The following LIMCH1 variants were observed in gnomAD, a reference collection of about 807,000 sequenced individuals.
The protein encoded by LIMCH1 is LIM and calponin homology domains-containing protein 1.
LIMCH1 carries 113 observed loss-of-function variants against 176.5 expected under a neutral mutation model. The ratio of observed to expected loss-of-function variants is 0.64; its 90% CI spans 0.55 to 0.75. The LOEUF (loss-of-function observed/expected upper bound fraction) is 0.75, where lower values mean the gene tolerates loss of function less well. Among genes scored for constraint, LIMCH1 ranks in the 30% least tolerant of loss-of-function variants. The probability of loss-of-function intolerance (pLI) is 0.00; values close to 1 mark genes in which losing one functional copy is unlikely to be tolerated. For missense variants in LIMCH1, 1,674 were observed against 1,814.9 expected (o/e 0.92, Z 1.41); for synonymous variants, 619 against 645.9 (o/e 0.96, Z 0.63).
At chr4:41,427,934 A>C (rs2061259396) in intron 1 of LIMCH1, among the ~76,000 whole-genome samples, 1 of 141,938 alleles carries the variant, frequency 7.0e-6, no homozygotes, top group African/African-American at 2.8e-5. Flanking sequence ...AAAATGGTGC[A>C]TCTATTTGGA....
chr4:41,577,368 T>C (rs1392097799), intron 1 of LIMCH1, among the ~76,000 whole-genome samples: 1 of 152,152 alleles, frequency 6.6e-6, no homozygotes, highest in East Asian at 1.9e-4. Flanking sequence ...AAAACAACTT[T>C]AAAATTATAC....
chr4:41,416,160 A>G (rs576170590), intron 1 of LIMCH1, among the ~76,000 whole-genome samples: 34 of 152,198 alleles, frequency 2.2e-4, no homozygotes, highest in Non-Finnish European at 4.7e-4. Context: ...CAATTTATTT[A>G]CTCTGAAACC....
At chr4:41,544,082 C>T (rs979868905) in intron 1 of LIMCH1, among the ~76,000 whole-genome samples, 2 of 151,950 alleles carry the variant, frequency 1.3e-5, no homozygotes, top group Non-Finnish European at 2.9e-5. Context: ...CAGATACCCC[C>T]CCACCCCCAC....
intron 1 of LIMCH1, among the ~76,000 whole-genome samples, chr4:41,398,464 A>G (rs962808323): frequency 7.9e-5 from 12 of 151,866 alleles, no homozygotes; most frequent in South Asian, 6.2e-4. Flanking sequence ...CATATTTGGT[A>G]TTTTTTTTCT....
chr4:41,373,818 G>A (rs1422788542), intron 1 of LIMCH1, among the ~76,000 whole-genome samples: 1 of 152,204 alleles, frequency 6.6e-6, no homozygotes, highest in Admixed American at 6.5e-5. Flanking sequence ...CAATGTTGGA[G>A]GAGGGGCCTG....
At chr4:41,549,903 C>G (rs1232768353) in intron 1 of LIMCH1, among the ~76,000 whole-genome samples, 1 of 151,986 alleles carries the variant, frequency 6.6e-6, no homozygotes, top group Non-Finnish European at 1.5e-5. Context: ...AAGATTATTA[C>G]AGTTTAATCT....
At chr4:41,670,489 A>T (rs1201814322) in intron 21 of LIMCH1, among the ~76,000 whole-genome samples, 1 of 152,200 alleles carries the variant, frequency 6.6e-6, no homozygotes, top group Non-Finnish European at 1.5e-5. Flanking sequence ...AATTTCATCT[A>T]ACACCAAAGA....
At chr4:41,378,370 C>T (rs1260820034) in intron 1 of LIMCH1, among the ~76,000 whole-genome samples, 1 of 152,212 alleles carries the variant, frequency 6.6e-6, no homozygotes, top group East Asian at 1.9e-4. Context: ...TGCTTTACCT[C>T]TTAATCTGTG....
intron 1 of LIMCH1, among the ~76,000 whole-genome samples, chr4:41,557,919 T>C (rs944744412): frequency 6.6e-6 from 1 of 152,020 alleles, no homozygotes; most frequent in Non-Finnish European, 1.5e-5. Flanking sequence ...CTTTTTTTTT[T>C]CTCTTATCCT....
chr4:41,575,118 A>G (rs1292263412), intron 1 of LIMCH1, among the ~76,000 whole-genome samples: 1 of 152,206 alleles, frequency 6.6e-6, no homozygotes, highest in African/African-American at 2.4e-5. Flanking sequence ...TAACCTCTAA[A>G]TATCTATTGG....
chr4:41,437,851 T>G (rs1487463839), intron 1 of LIMCH1, among the ~76,000 whole-genome samples: 1 of 152,228 alleles, frequency 6.6e-6, no homozygotes, highest in Non-Finnish European at 1.5e-5. Context: ...TGTTCTTAGG[T>G]CTTTAGCTGT....
chr4:41,689,921 G>A (rs1724104041), intron 30 of LIMCH1, among the ~76,000 whole-genome samples: 1 of 152,314 alleles, frequency 6.6e-6, no homozygotes, highest in South Asian at 2.1e-4. Context: ...TGCTGGGGAG[G>A]ATGATGCTCT....
chr4:41,495,402 CA>C (rs1268518151), intron 2 of LIMCH1, among the ~76,000 whole-genome samples: 1 of 152,106 alleles, frequency 6.6e-6, no homozygotes, highest in African/African-American at 2.4e-5. Flanking sequence ...AGATATGAAA[CA>C]AAAAGTTTCC....
At chr4:41,613,394 A>T (rs1448713858) in intron 4 of LIMCH1, 72 bp from the exon 5 acceptor site, 9 of 1,319,056 alleles carry the variant, frequency 6.8e-6, no homozygotes, top group Non-Finnish European at 7.4e-6. Context: ...TTTGGAGACC[A>T]CTGGAGACCC....
chr4:41,524,986 T>C (rs2076479244), intron 3 of LIMCH1, among the ~76,000 whole-genome samples: 1 of 152,240 alleles, frequency 6.6e-6, no homozygotes, highest in Admixed American at 6.5e-5. Context: ...TCTAACGTCA[T>C]CTGGAGAACT....
At chr4:41,474,684 G>A (rs925843383) in intron 1 of LIMCH1, among the ~76,000 whole-genome samples, 1 of 152,168 alleles carries the variant, frequency 6.6e-6, no homozygotes, top group Non-Finnish European at 1.5e-5. Flanking sequence ...ACAAACATTG[G>A]TGAGGATCTG....
At chr4:41,386,493 A>G (rs183337741) in intron 1 of LIMCH1, among the ~76,000 whole-genome samples, 165 of 152,356 alleles carry the variant, frequency 1.1e-3, no homozygotes, top group African/African-American at 1.4e-3. Flanking sequence ...GTAAGCACCA[A>G]TTATTAGCTC....
At chr4:41,429,058 G>A (rs778486112) in intron 1 of LIMCH1, among the ~76,000 whole-genome samples, 1 of 152,192 alleles carries the variant, frequency 6.6e-6, no homozygotes, top group African/African-American at 2.4e-5. Flanking sequence ...ATGCAGCAAC[G>A]TAAATAGCAG....
At chr4:41,422,206 G>A (rs1256362338) in intron 1 of LIMCH1, among the ~76,000 whole-genome samples, 2 of 151,920 alleles carry the variant, frequency 1.3e-5, no homozygotes, top group Admixed American at 6.6e-5. Context: ...CTTAACAATG[G>A]GTATCACCTT....
Sources: gnomAD v4.1 joint callset for allele counts (sites outside exome capture counted in the v4.1 genomes callset) on GRCh38, gnomAD v4.1.1 for gene constraint, MANE v1.5 for transcripts, NCBI Gene and HGNC (gene_info 2026-07-23, HGNC 2026-07-21) for gene names.